Variants in SLC39A11 observed in about 807,000 individuals in gnomAD.
The protein encoded by SLC39A11 is zinc transporter ZIP11.
Under a neutral mutation model 36.1 loss-of-function variants are expected in SLC39A11, and 33 were observed. That is an observed-to-expected ratio of 0.91 (90% CI 0.69 to 1.22). The LOEUF (loss-of-function observed/expected upper bound fraction) is 1.22, where lower values mean the gene tolerates loss of function less well. Among genes scored for constraint, SLC39A11 ranks in the 50% most tolerant of loss-of-function variants. The pLI is 0.00. For missense variants in SLC39A11, 432 were observed against 430.3 expected, an observed-to-expected ratio of 1.00 and a Z score of -0.03; for synonymous variants, 166 against 170.3, an observed-to-expected ratio of 0.97 and a Z score of 0.20.
intron 6 of SLC39A11, among the ~76,000 whole-genome samples, chr17:72,764,637 T>G (rs1022177987): frequency 6.6e-6 from 1 of 152,068 alleles, no homozygotes; most frequent in Non-Finnish European, 1.5e-5. Flanking sequence ...CTGCACCCGG[T>G]GAGGGCTGGG....
chr17:73,055,240 G>A (rs1050772247), intron 3 of SLC39A11, among the ~76,000 whole-genome samples: 3 of 152,062 alleles, frequency 2.0e-5, no homozygotes, highest in South Asian at 2.1e-4. Flanking sequence ...TCATTCATGC[G>A]TGACATTGGG....
intron 6 of SLC39A11, among the ~76,000 whole-genome samples, chr17:72,741,245 G>T (rs2074686602): frequency 6.6e-6 from 1 of 152,102 alleles, no homozygotes; most frequent in African/African-American, 2.4e-5. Context: ...TTTTCATAGA[G>T]ATGGTCTCAC....
At chr17:72,688,110 A>T (rs559352170) in intron 7 of SLC39A11, among the ~76,000 whole-genome samples, 2 of 152,274 alleles carry the variant, frequency 1.3e-5, no homozygotes, top group South Asian at 4.1e-4. Flanking sequence ...ACGACTACGA[A>T]CTTCAGGGAA....
chr17:72,843,917 T>A (rs1439516151), intron 6 of SLC39A11, among the ~76,000 whole-genome samples: 1 of 152,118 alleles, frequency 6.6e-6, no homozygotes, highest in South Asian at 2.1e-4. Context: ...CTCCGGGAGA[T>A]AGGCTACTAT....
At chr17:73,090,726 G>A (rs1183594990) in intron 1 of SLC39A11, among the ~76,000 whole-genome samples, 3 of 152,168 alleles carry the variant, frequency 2.0e-5, no homozygotes, top group Non-Finnish European at 4.4e-5. Context: ...GGATCTTGTG[G>A]GCTGGTGAAC....
intron 3 of SLC39A11, among the ~76,000 whole-genome samples, chr17:73,032,283 T>C (rs2058762253): frequency 6.6e-6 from 1 of 151,854 alleles, no homozygotes; most frequent in Non-Finnish European, 1.5e-5. Flanking sequence ...CTTGGCTCAC[T>C]GCAACCTCCA....
chr17:72,853,481 A>G (rs1404303718), intron 5 of SLC39A11, among the ~76,000 whole-genome samples: 1 of 152,108 alleles, frequency 6.6e-6, no homozygotes, highest in East Asian at 1.9e-4. Context: ...AATCTCCTGC[A>G]GATACCGCAC....
chr17:72,716,206 C>T (rs1437423237), intron 7 of SLC39A11, among the ~76,000 whole-genome samples: 1 of 152,074 alleles, frequency 6.6e-6, no homozygotes, highest in African/African-American at 2.4e-5. Flanking sequence ...CAGGGTAGGG[C>T]CCCCAGCACT....
rs529275703 is a variant in SLC39A11 at position 72,660,764 on chromosome 17, G to A, written c.672-11496C>T. On this transcript the variant is annotated intron_variant, in intron 7 of 9. Transcript: ENST00000255559. ...CTCACCACTACTGACATTTCACACC[G>A]TGAGTTCCTTGTTGTGGGGGCCTGG... Among the ~76,000 whole-genome samples, 12 of 152,252 alleles carry A rather than the reference G, an allele frequency of 7.9e-5. No individual in the cohort carries two copies. The South Asian group carries it at 2.3e-3, about 29-fold the overall frequency.
intron 7 of SLC39A11, among the ~76,000 whole-genome samples, chr17:72,729,203 C>T (rs967688350): frequency 6.6e-6 from 1 of 151,194 alleles, no homozygotes; most frequent in African/African-American, 2.4e-5. Context: ...AGTAATGCAC[C>T]TGTTTCTTTC....
intron 1 of SLC39A11, among the ~76,000 whole-genome samples, chr17:73,089,275 A>G (rs2060846572): frequency 6.6e-6 from 1 of 151,774 alleles, no homozygotes; most frequent in Non-Finnish European, 1.5e-5. Flanking sequence ...CAAAGGGTAA[A>G]CTCCACCAAC....
At chr17:72,678,293 G>GA (rs966283580) in intron 7 of SLC39A11, among the ~76,000 whole-genome samples, 7 of 151,918 alleles carry the variant, frequency 4.6e-5, no homozygotes, top group Non-Finnish European at 8.8e-5. Context: ...TTTACAACGT[G>GA]TTTTTTTTCC....
At chr17:72,999,091 G>C (rs765131605) in intron 4 of SLC39A11, among the ~76,000 whole-genome samples, 1 of 152,094 alleles carries the variant, frequency 6.6e-6, no homozygotes, top group Non-Finnish European at 1.5e-5. Context: ...ACGTAAGCAC[G>C]GCCCTACATC....
chr17:73,006,535 T>C (rs370790553), intron 4 of SLC39A11, among the ~76,000 whole-genome samples: 3 of 152,148 alleles, frequency 2.0e-5, no homozygotes, highest in African/African-American at 7.2e-5. Context: ...AAATATTTAC[T>C]ATCTGACCTT....
chr17:72,897,642 T>C (rs1201846839), intron 5 of SLC39A11, among the ~76,000 whole-genome samples: 1 of 152,108 alleles, frequency 6.6e-6, no homozygotes, highest in Non-Finnish European at 1.5e-5. Flanking sequence ...TCCTTGTGAG[T>C]TCAGCATCTC....
chr17:73,056,044 C>T (rs1568200672), intron 3 of SLC39A11, among the ~76,000 whole-genome samples: 1 of 152,186 alleles, frequency 6.6e-6, no homozygotes, highest in Non-Finnish European at 1.5e-5. Flanking sequence ...GCACAGAGGA[C>T]ACTGCTGGCA....
At chr17:72,697,189 C>A (rs1431074274) in intron 7 of SLC39A11, among the ~76,000 whole-genome samples, 1 of 152,274 alleles carries the variant, frequency 6.6e-6, no homozygotes, top group East Asian at 1.9e-4. Flanking sequence ...ATCAGGTGAT[C>A]CCCCCATGTC....
intron 7 of SLC39A11, among the ~76,000 whole-genome samples, chr17:72,674,986 ATGTGTG>A (rs10684358): frequency 6.7e-6 from 1 of 150,318 alleles, no homozygotes; most frequent in South Asian, 2.1e-4. Context: ...GTGTGTGCGT[ATGTGTG>A]TGTGTGTGTG....
intron 4 of SLC39A11, among the ~76,000 whole-genome samples, chr17:72,979,221 T>A (rs182185526): frequency 2.0e-5 from 3 of 152,208 alleles, no homozygotes; most frequent in Admixed American, 2.0e-4. Context: ...AGAAGCTACT[T>A]TTTCCCCTTC....
Sources: gnomAD v4.1 joint callset for allele counts (sites outside exome capture counted in the v4.1 genomes callset) on GRCh38, gnomAD v4.1.1 for gene constraint, MANE v1.5 for transcripts, NCBI Gene and HGNC (gene_info 2026-07-23, HGNC 2026-07-21) for gene names.